Variants in LPP observed in about 807,000 individuals in gnomAD.
LPP encodes LIM domain containing preferred translocation partner in lipoma, also known as lipoma-preferred partner.
LPP carries 38 observed loss-of-function variants against 60.4 expected under a neutral mutation model. The ratio of observed to expected loss-of-function variants is 0.63; its 90% confidence interval spans 0.49 to 0.83. The LOEUF is 0.83. Ranked by LOEUF, LPP falls within the 40% of genes least tolerant of loss-of-function variation. The pLI is 0.00. For synonymous variants in LPP, 328 were observed against 290.8 expected (o/e 1.13, Z -1.30); for missense variants, 902 against 783.6 (o/e 1.15, Z -1.80).
intron 2 of LPP, among the ~76,000 whole-genome samples, chr3:188,270,162 A>T (rs963984427): frequency 6.6e-6 from 1 of 152,144 alleles, no homozygotes; most frequent in Non-Finnish European, 1.5e-5. Context: ...TTTCAGAGTG[A>T]CAAAAGTATT....
intron 9 of LPP, among the ~76,000 whole-genome samples, chr3:188,864,292 G>A (rs1766031842): frequency 1.3e-5 from 2 of 152,158 alleles, no homozygotes; most frequent in African/African-American, 2.4e-5. Flanking sequence ...CAGAGTTAAG[G>A]GAGTCAGGCC....
chr3:188,375,710 T>G (rs1302023645), intron 3 of LPP, among the ~76,000 whole-genome samples: 1 of 152,130 alleles, frequency 6.6e-6, no homozygotes, highest in African/African-American at 2.4e-5. Context: ...ATTTCCTTCA[T>G]TCTGCTCTGA....
rs1014235105 is a variant in LPP at position 188,766,336 on chromosome 3, A to T, written c.1410+6054A>T. 5.5e-5 allele frequency among the ~76,000 whole-genome samples: 7 copies of T among 127,370 alleles called. No individual in the cohort carries two copies. The Admixed American group carries it at 5.8e-4, about 10-fold the overall frequency. 83.6% of individuals were successfully genotyped at this position (127,370 alleles called of 152,430 possible). ...GCTAAACTTCTACTGATGAAAAACC[A>T]TAAGCCCTTGTATTTTCTTGAGCAT... On this transcript the variant is annotated intron_variant, in intron 9 of 11. Coordinates refer to ENST00000617246, the MANE Select transcript of LPP (RefSeq NM_001375462.1).
At chr3:188,292,435 C>G (rs1746317675) in intron 2 of LPP, among the ~76,000 whole-genome samples, 1 of 152,234 alleles carries the variant, frequency 6.6e-6, no homozygotes, top group Admixed American at 6.5e-5. Flanking sequence ...ATGACTCAAA[C>G]ATCTAGTTCT....
Position 188,643,496 on chromosome 3 carries a change from G to A in LPP, c.1113+33652G>A, listed in dbSNP as rs563862714. Among the ~76,000 whole-genome samples, 3 of 152,284 alleles carry A rather than the reference G, an allele frequency of 2.0e-5. No homozygotes were observed. In the East Asian group the frequency reaches 5.8e-4, roughly 29 times the overall value. On this transcript the variant is annotated intron_variant, in intron 7 of 11. Coordinates refer to ENST00000617246, the MANE Select transcript of LPP (RefSeq NM_001375462.1). Reference sequence around the variant, plus strand: ...AGACATATTATAAAAATCTGAGAATGAGCATGTGTGAAGCTCTCTGATACT... The same window carrying A: ...AGACATATTATAAAAATCTGAGAATAAGCATGTGTGAAGCTCTCTGATACT...
chr3:188,357,985 G>C (rs1181754722), intron 3 of LPP, among the ~76,000 whole-genome samples: 1 of 152,084 alleles, frequency 6.6e-6, no homozygotes, highest in Non-Finnish European at 1.5e-5. Flanking sequence ...GAATGGATGA[G>C]CAATTTTGAA....
rs1766267488 is a variant in LPP at position 188,352,704 on chromosome 3, TGCA to T, written c.-10+10986_-10+10988del. On this transcript the variant is annotated intron_variant, in intron 3 of 11. Transcript: ENST00000617246. This position sits in a 1 kb window ranked among gnomAD's most constrained non-coding sequence, Gnocchi z 4.4. Reference sequence around the variant, plus strand: ...TTTCCCTGCTTGTTGATGTTCCAGCTGCATGCACGGCACTGAGCCCTGCCTGAG... The same window carrying T: ...TTTCCCTGCTTGTTGATGTTCCAGCTTGCACGGCACTGAGCCCTGCCTGAG... Among the ~76,000 whole-genome samples, 1 of 662 alleles carries T rather than the reference TGCA, an allele frequency of 1.5e-3. No individual in the cohort carries two copies. The highest frequency in any genetic ancestry group is 0.042 in the South Asian group (1 of 24). 0.4% of individuals were successfully genotyped at this position (662 alleles called of 152,430 possible).
chr3:188,736,167 G>A (rs1722433618), intron 8 of LPP, among the ~76,000 whole-genome samples: 1 of 152,012 alleles, frequency 6.6e-6, no homozygotes. Flanking sequence ...ACTGAGAACA[G>A]ATTTTCTCTG....
chr3:188,845,659 G>T (rs1339270584), intron 9 of LPP, among the ~76,000 whole-genome samples: 2 of 152,114 alleles, frequency 1.3e-5, no homozygotes, highest in African/African-American at 4.8e-5. Context: ...CCCTTGACAA[G>T]GAGAACACTA....
At chr3:188,582,157 T>G (rs1392100188) in intron 6 of LPP, among the ~76,000 whole-genome samples, 2 of 68,450 alleles carry the variant, frequency 2.9e-5, no homozygotes, top group Non-Finnish European at 5.0e-5. Flanking sequence ...TCTTTTTCTT[T>G]TTTTTTTTTT....
chr3:188,187,477 TTTC>T (rs1479652394), intron 1 of LPP, among the ~76,000 whole-genome samples: 3 of 152,242 alleles, frequency 2.0e-5, no homozygotes, highest in East Asian at 1.9e-4. Context: ...CTTATTATAA[TTTC>T]TTCTTATTTC....
At chr3:188,385,881 C>T (rs1215811133) in intron 3 of LPP, among the ~76,000 whole-genome samples, 1 of 152,132 alleles carries the variant, frequency 6.6e-6, no homozygotes. Context: ...AGTGCGGTCT[C>T]TCATGAAGTT....
intron 3 of LPP, among the ~76,000 whole-genome samples, chr3:188,403,680 GA>G (rs556522817): frequency 4.7e-5 from 7 of 148,720 alleles, no homozygotes; most frequent in East Asian, 2.0e-4. Context: ...TTGGTATTTA[GA>G]AAAAAAAAAT....
chr3:188,329,722 C>T (rs1759458024), intron 2 of LPP, among the ~76,000 whole-genome samples: 1 of 152,204 alleles, frequency 6.6e-6, no homozygotes, highest in Non-Finnish European at 1.5e-5. Flanking sequence ...ATGGTAACCA[C>T]TCATGCCTTT....
chr3:188,561,898 G>T (rs1207454108), intron 6 of LPP, among the ~76,000 whole-genome samples: 5 of 151,936 alleles, frequency 3.3e-5, no homozygotes, highest in Non-Finnish European at 7.4e-5. Flanking sequence ...AGATAAAGCA[G>T]TTTGAAAGTG....
intron 2 of LPP, among the ~76,000 whole-genome samples, chr3:188,267,086 C>T (rs1735841438): frequency 6.6e-6 from 1 of 152,152 alleles, no homozygotes; most frequent in East Asian, 1.9e-4. Context: ...TCCTGAGCAG[C>T]AGCGTACCTG....
intron 9 of LPP, among the ~76,000 whole-genome samples, chr3:188,764,142 T>A (rs533305699): frequency 2.6e-5 from 4 of 152,280 alleles, no homozygotes; most frequent in Non-Finnish European, 4.4e-5. Flanking sequence ...TCTTATAGAT[T>A]TGAATATGTA....
At chr3:188,295,777 T>G (rs1337626204) in intron 2 of LPP, among the ~76,000 whole-genome samples, 1 of 152,226 alleles carries the variant, frequency 6.6e-6, no homozygotes, top group Non-Finnish European at 1.5e-5. Flanking sequence ...GAAGTGAGCC[T>G]CAGCCTCCCA....
At position 188,381,805 on chromosome 3, in the gene LPP, C is replaced by A. The variant is rs76049023; in HGVS notation, c.-9-24307C>A. On this transcript the variant is annotated intron_variant, in intron 3 of 11. Transcript: ENST00000617246. ...TATTTAAATGTCAATATTTAATTGA[C>A]AATTAACTGTTGTTGATTTAAATTA... Among the ~76,000 whole-genome samples the A allele has an allele frequency of 7.9e-3, 1,199 of 152,202 alleles. 11 individuals are homozygous for A. The highest frequency in any genetic ancestry group is 0.014 in the Non-Finnish European group (939 of 67,996).
Sources: gnomAD v4.1 joint callset for allele counts (sites outside exome capture counted in the v4.1 genomes callset) on GRCh38, gnomAD v4.1.1 for gene constraint, Gnocchi (gnomAD v3.1) non-coding constraint, MANE v1.5 for transcripts, NCBI Gene and HGNC (gene_info 2026-07-23, HGNC 2026-07-21) for gene names.